MACROH2A1: variants seen among roughly 807,000 people sequenced by gnomAD.
MACROH2A1 encodes the protein macroH2A.1 histone, also known as core histone macro-H2A.1.
A neutral mutation model predicts 31.6 loss-of-function variants in MACROH2A1; 2 were observed. That is an observed-to-expected ratio of 0.06 (90% CI 0.03 to 0.20). The LOEUF is 0.20. Among genes scored for constraint, MACROH2A1 ranks in the 10% least tolerant of loss-of-function variants. The pLI is 1.00. For missense variants in MACROH2A1, 230 were observed against 474.0 expected, an observed-to-expected ratio of 0.49 and a Z score of 4.78; for synonymous variants, 169 against 189.6, an observed-to-expected ratio of 0.89 and a Z score of 0.89.
chr5:135,347,457 T>A (rs1219384824), intron 6 of MACROH2A1: 1 of 152,154 alleles, frequency 6.6e-6, no homozygotes, highest in East Asian at 1.9e-4. Context: ...ATCCTTGAGG[T>A]GGGATTTTGT....
intron 1 of MACROH2A1, among the ~76,000 whole-genome samples, chr5:135,390,234 C>G (rs1767027730): frequency 6.6e-6 from 1 of 152,224 alleles, no homozygotes; most frequent in Non-Finnish European, 1.5e-5. Context: ...ATGTTGAGAT[C>G]TGGCTGTTTC....
At chr5:135,377,150 A>G (rs1449559530) in intron 2 of MACROH2A1, among the ~76,000 whole-genome samples, 1 of 152,216 alleles carries the variant, frequency 6.6e-6, no homozygotes, top group South Asian at 2.1e-4. Context: ...TGACCACAGC[A>G]GAGCGTGCAG....
intron 8 of MACROH2A1, among the ~76,000 whole-genome samples, chr5:135,336,939 G>A (rs1445195370): frequency 6.6e-6 from 1 of 152,228 alleles, no homozygotes; most frequent in African/African-American, 2.4e-5. Flanking sequence ...GGGATCCTCG[G>A]TCCTGTTGCA....
In MACROH2A1 at chr5:135,343,366, C is replaced by T. The variant is rs778681388; in HGVS notation, c.847G>A (p.Ala283Thr). ...VIHCNSPVWG[A>T]DKCEELLEKT... The stretch of plus-strand genomic sequence containing the variant: ...TCCAGAAGTTCTTCACACTTGTCTG[C>T]ACCCCAAACTGGACTATTACAGTGG... The change falls in exon 8 of 9, where the codon GCA (alanine) becomes ACA (threonine). Residue 283 changes from alanine to threonine, a missense_variant. By Grantham distance (58) the Ala-to-Thr change is moderately conservative. This residue lies in a region of MACROH2A1 where 183 missense variants were observed against 319.3 expected (regional missense o/e 0.57). Coordinates refer to ENST00000511689, the MANE Select transcript of MACROH2A1 (RefSeq NM_138610.3). 1 of 1,614,240 alleles carries T rather than the reference C, an allele frequency of 6.2e-7. No individual in the cohort carries two copies.
intron 5 of MACROH2A1, chr5:135,354,779 T>C (rs1472141647): frequency 3.1e-6 from 1 of 320,468 alleles, no homozygotes; most frequent in Admixed American, 4.4e-5. Flanking sequence ...AGGATTTTAC[T>C]CTATTATTTA....
chr5:135,388,704 T>C (rs1766771722), intron 2 of MACROH2A1, among the ~76,000 whole-genome samples: 1 of 152,210 alleles, frequency 6.6e-6, no homozygotes, highest in Non-Finnish European at 1.5e-5. Flanking sequence ...TCTACACATA[T>C]GCCTGCATGC....
intron 2 of MACROH2A1, among the ~76,000 whole-genome samples, chr5:135,384,094 TGCCTACC>T (rs1362456058): frequency 6.6e-6 from 1 of 152,224 alleles, no homozygotes; most frequent in African/African-American, 2.4e-5. Context: ...CTGCAGGCTC[TGCCTACC>T]TCAATCTTCC....
Position 135,343,609 on chromosome 5 carries a change from C to A in MACROH2A1, c.779-175G>T. The A allele has an allele frequency of 1.0e-6, 1 of 972,778 alleles. No individual in the cohort carries two copies. The highest frequency in any genetic ancestry group is 1.5e-6 in the Non-Finnish European group (1 of 676,342). 60.3% of individuals were successfully genotyped at this position (972,778 alleles called of 1,614,324 possible). On this transcript the variant is annotated intron_variant, in intron 7 of 8. Transcript: ENST00000511689. The stretch of plus-strand genomic sequence containing the variant: ...TTGTGATTCCAACGTGAGCTGGAGC[C>A]AAGCCACACCCTTGGAAAGTTGGCA...
rs184687850 is a variant in MACROH2A1, at chr5:135,358,996, T to C, written c.588+1501A>G. On this transcript the variant is annotated intron_variant, in intron 5 of 8. Transcript: ENST00000511689. ...GAGCCCAGAGGAGGCCGTGATCCCATTTCTTTCAGAAGATCACAGCAACAA... is the reference window on the plus strand; with the variant it reads ...GAGCCCAGAGGAGGCCGTGATCCCACTTCTTTCAGAAGATCACAGCAACAA... 5.2e-3 allele frequency: 5,147 copies of C among 985,400 alleles called. 17 individuals carry two copies. The highest frequency in any genetic ancestry group is 6.0e-3 in the Non-Finnish European group (4,946 of 829,868). 61.0% of individuals were successfully genotyped at this position (985,400 alleles called of 1,614,324 possible). A position where few individuals can be genotyped will look rare whatever the true frequency, so the allele number is the denominator to read the frequency against.
chr5:135,336,355 G>A (rs144820229), intron 8 of MACROH2A1, among the ~76,000 whole-genome samples: 416 of 152,328 alleles, frequency 2.7e-3, no homozygotes, highest in African/African-American at 9.4e-3. Context: ...GACCACACAC[G>A]GCTTCACCCG....
intron 8 of MACROH2A1, among the ~76,000 whole-genome samples, chr5:135,341,069 G>A (rs1759761711): frequency 1.3e-5 from 2 of 152,212 alleles, no homozygotes; most frequent in East Asian, 1.9e-4. Context: ...CCATATGAAA[G>A]GTTGTGAAAT....
intron 1 of MACROH2A1, among the ~76,000 whole-genome samples, chr5:135,390,667 T>G (rs1349217565): frequency 6.6e-6 from 1 of 152,066 alleles, no homozygotes; most frequent in Non-Finnish European, 1.5e-5. Flanking sequence ...TCCATGGTGT[T>G]TGGGGCCTTC....
intron 1 of MACROH2A1, among the ~76,000 whole-genome samples, chr5:135,391,249 A>G (rs1767196339): frequency 6.6e-6 from 1 of 152,184 alleles, no homozygotes; most frequent in Admixed American, 6.5e-5. Flanking sequence ...CAACAACCTG[A>G]TGCCTTTGGA....
intron 5 of MACROH2A1, chr5:135,359,405 T>C: frequency 1.0e-6 from 1 of 985,210 alleles, no homozygotes; most frequent in East Asian, 1.1e-4. Context: ...AAACAAAAAC[T>C]TTCAAATCCC....
intron 8 of MACROH2A1, among the ~76,000 whole-genome samples, chr5:135,339,836 G>C (rs188865896): frequency 6.6e-6 from 1 of 152,358 alleles, no homozygotes; most frequent in East Asian, 1.9e-4. Context: ...ACTCCCCTGA[G>C]CTGTGCCCCC....
Position 135,343,359 on chromosome 5 carries a change from T to C in MACROH2A1, c.854A>G (p.Lys285Arg). 6.2e-7 allele frequency: 1 copy of C among 1,614,240 alleles called. No individual in the cohort carries two copies. The highest frequency in any genetic ancestry group is 1.1e-5 in the South Asian group (1 of 91,092). Residue 285 changes from lysine (K) to arginine (R), a missense_variant, in exon 8 of 9, where the codon AAG becomes AGG. This residue lies in a region of MACROH2A1 where 183 missense variants were observed against 319.3 expected (regional missense o/e 0.57). Transcript: ENST00000511689. ...TGTCTTTTCCAGAAGTTCTTCACAC[T>C]TGTCTGCACCCCAAACTGGACTATT... ...HCNSPVWGADKCEELLEKTVK... is the reference protein window; with the variant it reads ...HCNSPVWGADRCEELLEKTVK...
At chr5:135,379,300 G>A (rs1765328848) in intron 2 of MACROH2A1, among the ~76,000 whole-genome samples, 1 of 152,190 alleles carries the variant, frequency 6.6e-6, no homozygotes. Context: ...TGGGTGCCAG[G>A]GAACCCACAT....
chr5:135,388,192 C>T (rs1766693632), intron 2 of MACROH2A1, among the ~76,000 whole-genome samples: 1 of 151,582 alleles, frequency 6.6e-6, no homozygotes, highest in African/African-American at 2.4e-5. Context: ...TTATAACCAC[C>T]ACTGTAATAT....
chr5:135,366,157 GC>G (rs1304947428), intron 4 of MACROH2A1, among the ~76,000 whole-genome samples: 2 of 152,222 alleles, frequency 1.3e-5, no homozygotes, highest in Non-Finnish European at 2.9e-5. Flanking sequence ...GGCTTTCCCA[GC>G]CATGTGGAAC....
Sources: gnomAD v4.1 joint callset for allele counts (sites outside exome capture counted in the v4.1 genomes callset) on GRCh38, gnomAD v4.1.1 for gene constraint, gnomAD v4.1.1 regional missense constraint, MANE v1.5 for transcripts, NCBI Gene and HGNC (gene_info 2026-07-23, HGNC 2026-07-21) for gene names.